OCIAD1: variants seen among roughly 807,000 people sequenced by gnomAD.
The protein encoded by OCIAD1 is OCIA domain containing 1.
Under a neutral mutation model 38.9 loss-of-function variants are expected in OCIAD1, and 29 were observed. The ratio of observed to expected loss-of-function variants is 0.74; its 90% confidence interval spans 0.55 to 1.02. OCIAD1 has a LOEUF of 1.02. Ranked by LOEUF, OCIAD1 falls within the 50% of genes least tolerant of loss-of-function variation. The probability of loss-of-function intolerance (pLI) is 0.00; values close to 1 mark genes in which losing one functional copy is unlikely to be tolerated. For missense variants in OCIAD1, 288 were observed against 289.6 expected, an observed-to-expected ratio of 0.99 and a Z score of 0.04; for synonymous variants, 110 against 92.0, an observed-to-expected ratio of 1.20 and a Z score of -1.12.
chr4:48,814,521 T>C (rs1188130259), intron 1 of OCIAD1, among the ~76,000 whole-genome samples: 1 of 152,072 alleles, frequency 6.6e-6, no homozygotes, highest in Non-Finnish European at 1.5e-5. Flanking sequence ...TAACATAATT[T>C]ACACAACAGC....
chr4:48,833,713 ATAGT>A (rs1777737276), intron 3 of OCIAD1, among the ~76,000 whole-genome samples: 1 of 152,222 alleles, frequency 6.6e-6, no homozygotes, highest in African/African-American at 2.4e-5. Context: ...GATAATAGTA[ATAGT>A]TAGCATTTAC....
rs1214064761 is a variant in OCIAD1, at chr4:48,860,833, G to A, written c.*71G>A. Reference sequence around the variant, plus strand: ...TCTAGGTGGTCATGATTACCTGCATGCTTTGAGCTCAGCAGCAGTCTTCAT... The same window carrying A: ...TCTAGGTGGTCATGATTACCTGCATACTTTGAGCTCAGCAGCAGTCTTCAT... On this transcript the variant is annotated 3_prime_UTR_variant, in exon 9 of 9. Coordinates refer to ENST00000264312, the MANE Select transcript of OCIAD1 (RefSeq NM_017830.4). The A allele has an allele frequency of 2.8e-6, 3 of 1,082,760 alleles. No individual in the cohort carries two copies. In the East Asian group the frequency reaches 7.1e-5, roughly 26 times the overall value. 67.1% of individuals were successfully genotyped at this position (1,082,760 alleles called of 1,614,324 possible). A position where few individuals can be genotyped will look rare whatever the true frequency, so the allele number is the denominator to read the frequency against.
chr4:48,840,091 G>A (rs1163408768), intron 3 of OCIAD1, among the ~76,000 whole-genome samples: 1 of 152,198 alleles, frequency 6.6e-6, no homozygotes, highest in African/African-American at 2.4e-5. Flanking sequence ...ACCTGAGTTG[G>A]AATGAGACCT....
At chr4:48,820,994 G>T (rs776647008) in intron 1 of OCIAD1, among the ~76,000 whole-genome samples, 40 of 152,018 alleles carry the variant, frequency 2.6e-4, no homozygotes, top group Admixed American at 1.2e-3. Flanking sequence ...GGTACCATTC[G>T]TTCTGAAACT....
intron 4 of OCIAD1, among the ~76,000 whole-genome samples, chr4:48,843,419 TTAAC>T (rs1394535111): frequency 1.3e-5 from 2 of 152,214 alleles, no homozygotes; most frequent in Non-Finnish European, 2.9e-5. Context: ...ATTGTTTTAA[TTAAC>T]TGGCTCCTTC....
Position 48,861,807 on chromosome 4 carries a change from T to C in OCIAD1, c.*1045T>C, listed in dbSNP as rs902602909. 6.6e-6 allele frequency: 1 copy of C among 152,162 alleles called. No homozygotes were observed. Among genetic ancestry groups the C allele is most frequent in the Admixed American group, 6.6e-5 (1 of 15,260 alleles). 9.4% of individuals were successfully genotyped at this position (152,162 alleles called of 1,614,324 possible). On this transcript the variant is annotated 3_prime_UTR_variant, in exon 9 of 9. Coordinates refer to ENST00000264312, the MANE Select transcript of OCIAD1 (RefSeq NM_017830.4). Reference sequence around the variant, plus strand: ...AAATTCTAAAACAATAAAAATTTGGTATACATCACAGAGACTGATATTATG... The same window carrying C: ...AAATTCTAAAACAATAAAAATTTGGCATACATCACAGAGACTGATATTATG...
chr4:48,824,223 C>G (rs1414865058), intron 1 of OCIAD1, among the ~76,000 whole-genome samples: 2 of 152,174 alleles, frequency 1.3e-5, no homozygotes, highest in African/African-American at 4.8e-5. Flanking sequence ...TCAAAGCAAT[C>G]CACCTGCCTT....
chr4:48,821,070 T>C (rs530223402), intron 1 of OCIAD1, among the ~76,000 whole-genome samples: 1 of 152,310 alleles, frequency 6.6e-6, no homozygotes, highest in African/African-American at 2.4e-5. Context: ...ATCATCCTGA[T>C]ATGAAAACCT....
At chr4:48,806,289 T>C (rs1777022644) in intron 1 of OCIAD1, among the ~76,000 whole-genome samples, 1 of 152,144 alleles carries the variant, frequency 6.6e-6, no homozygotes, top group African/African-American at 2.4e-5. Context: ...TAAATAAATT[T>C]GGAAAAACAT....
At chr4:48,812,123 A>C (rs182445901) in intron 1 of OCIAD1, among the ~76,000 whole-genome samples, 1 of 151,918 alleles carries the variant, frequency 6.6e-6, no homozygotes, top group Non-Finnish European at 1.5e-5. Flanking sequence ...TCTACTAAAA[A>C]TACAAAAAAA....
Position 48,849,983 on chromosome 4 carries a change from C to CT in OCIAD1, c.280dup (p.Tyr94LeufsTer13). 1 of 1,611,236 alleles carries CT rather than the reference C, an allele frequency of 6.2e-7. No individual in the cohort carries two copies. On this transcript the variant is annotated frameshift_variant, in exon 6 of 9. Coordinates refer to ENST00000264312, the MANE Select transcript of OCIAD1 (RefSeq NM_017830.4). LOFTEE classifies it high-confidence loss of function. Reference sequence around the variant, plus strand: ...ATGGGATACTTTGCTGGAAAACTTTCTTATGTGAAAACTTGCCAAGAGAAA... The same window carrying CT: ...ATGGGATACTTTGCTGGAAAACTTTCTTTATGTGAAAACTTGCCAAGAGAAA...
At chr4:48,819,716 CAAAA>C (rs576081813) in intron 1 of OCIAD1, among the ~76,000 whole-genome samples, 4 of 10,454 alleles carry the variant, frequency 3.8e-4, no homozygotes, top group African/African-American at 1.0e-3. Context: ...TTACCAAGCG[CAAAA>C]AAAAAAAAAA....
chr4:48,813,916 T>G (rs184003616), intron 1 of OCIAD1, among the ~76,000 whole-genome samples: 1 of 152,328 alleles, frequency 6.6e-6, no homozygotes, highest in East Asian at 1.9e-4. Context: ...TTTTAAACTT[T>G]CAGAGAATAA....
intron 8 of OCIAD1, among the ~76,000 whole-genome samples, chr4:48,858,224 G>A (rs1780266727): frequency 6.6e-6 from 1 of 152,080 alleles, no homozygotes; most frequent in African/African-American, 2.4e-5. Flanking sequence ...AGCAAGATTA[G>A]TTTAACACAG....
intron 1 of OCIAD1, among the ~76,000 whole-genome samples, chr4:48,806,412 A>G (rs1777025385): frequency 6.6e-6 from 1 of 151,372 alleles, no homozygotes; most frequent in African/African-American, 2.4e-5. Flanking sequence ...CACTTTTATG[A>G]TTTTTTTTTC....
intron 1 of OCIAD1, among the ~76,000 whole-genome samples, chr4:48,822,741 A>G (rs1189758310): frequency 6.6e-6 from 1 of 152,258 alleles, no homozygotes; most frequent in Non-Finnish European, 1.5e-5. Flanking sequence ...ATACGAACAG[A>G]CACTTCTCAA....
At chr4:48,822,358 C>A (rs962952317) in intron 1 of OCIAD1, among the ~76,000 whole-genome samples, 10 of 152,216 alleles carry the variant, frequency 6.6e-5, no homozygotes, top group African/African-American at 2.4e-4. Flanking sequence ...AAAACAGAAA[C>A]TGGACCACTT....
At chr4:48,839,496 T>TC (rs1778329352) in intron 3 of OCIAD1, among the ~76,000 whole-genome samples, 1 of 151,452 alleles carries the variant, frequency 6.6e-6, no homozygotes, top group South Asian at 2.1e-4. Flanking sequence ...AAATCCCAGC[T>TC]CCACACACAG....
chr4:48,848,613 G>C, intron 5 of OCIAD1, 167 bp downstream of exon 5: 1 of 404,656 alleles, frequency 2.5e-6, no homozygotes, highest in Non-Finnish European at 4.4e-6. Context: ...ATATTTTATT[G>C]TTAGCATAAA....
Sources: gnomAD v4.1 joint callset for allele counts (sites outside exome capture counted in the v4.1 genomes callset) on GRCh38, gnomAD v4.1.1 for gene constraint, MANE v1.5 for transcripts, NCBI Gene and HGNC (gene_info 2026-07-23, HGNC 2026-07-21) for gene names.